Variants in CFAP61 observed in about 807,000 individuals in gnomAD.
CFAP61 encodes the protein cilia- and flagella-associated protein 61.
In CFAP61, 107 loss-of-function variants were observed where a neutral mutation model predicts 135.6. The observed-to-expected ratio is 0.79, with a 90% CI of 0.67 to 0.93. CFAP61 has a LOEUF of 0.93. Ranked by LOEUF, CFAP61 falls within the 40% of genes least tolerant of loss-of-function variation. The pLI, the probability that CFAP61 is intolerant of heterozygous loss-of-function variation, is 0.00. For synonymous variants in CFAP61, 575 were observed against 578.5 expected (o/e 0.99, Z 0.09); for missense variants, 1,507 against 1,556.2 (o/e 0.97, Z 0.53).
At position 20,319,103 on chromosome 20, in the gene CFAP61, G is replaced by A. The variant is rs1186187793; in HGVS notation, c.3422+20717G>A. Among the ~76,000 whole-genome samples the A allele has an allele frequency of 2.0e-5, 3 of 152,192 alleles. No homozygotes were observed. The East Asian group carries it at 5.8e-4, about 29-fold the overall frequency. The stretch of plus-strand genomic sequence containing the variant: ...TGATTCTCTATACAGCCTGTCCTAA[G>A]TTATCCCTCATGGCTGAGTGAGTTC... On this transcript the variant is annotated intron_variant, in intron 25 of 26. Transcript: ENST00000245957.
rs1328431989 is a variant in CFAP61, at chr20:20,056,144, C to T, written c.-36-474C>T. 9.1e-6 allele frequency: 6 copies of T among 659,274 alleles called. No homozygotes were observed. The East Asian group carries it at 1.1e-4, about 12-fold the overall frequency. 40.8% of individuals were successfully genotyped at this position (659,274 alleles called of 1,614,324 possible). A position where few individuals can be genotyped will look rare whatever the true frequency, so the allele number is the denominator to read the frequency against. On this transcript the variant is annotated intron_variant, in intron 1 of 26. Transcript: ENST00000245957. Reference sequence around the variant, plus strand: ...TTCAGGAAGCCTATTGCGAGCATTTCCTACACTTAACCACAGAACTTTTTT... The same window carrying T: ...TTCAGGAAGCCTATTGCGAGCATTTTCTACACTTAACCACAGAACTTTTTT...
In CFAP61 at chr20:20,217,689, C is replaced by T. The variant is rs184656884; in HGVS notation, c.1933-10560C>T. ...TATTCCCTGGGGGAACAGAAGTTCT[C>T]ATCTTATTCTGTGTGCAGAGATTTA... is the stretch of plus-strand genomic sequence containing the variant. On this transcript the variant is annotated intron_variant, in intron 17 of 26. Coordinates refer to ENST00000245957, the MANE Select transcript of CFAP61 (RefSeq NM_015585.4). Among the ~76,000 whole-genome samples the T allele has an allele frequency of 4.6e-5, 7 of 152,330 alleles. No individual in the cohort carries two copies. The East Asian group carries it at 9.6e-4, about 21-fold the overall frequency.
At chr20:20,056,283 C>T (rs894602096) in intron 1 of CFAP61, among the ~76,000 whole-genome samples, 1 of 152,232 alleles carries the variant, frequency 6.6e-6, no homozygotes, top group Non-Finnish European at 1.5e-5. Flanking sequence ...CACCACATGC[C>T]ATCGTGGCCG....
At chr20:20,216,014 G>T (rs566640458) in intron 17 of CFAP61, among the ~76,000 whole-genome samples, 3 of 152,170 alleles carry the variant, frequency 2.0e-5, no homozygotes, top group Non-Finnish European at 4.4e-5. Context: ...GGTAGTACAT[G>T]CATGGCTTAA....
At chr20:20,104,234 G>A (rs1188682872) in intron 8 of CFAP61, among the ~76,000 whole-genome samples, 1 of 151,952 alleles carries the variant, frequency 6.6e-6, no homozygotes. Context: ...GTAAAACATC[G>A]CAATATTGCC....
At chr20:20,171,792 T>A (rs1362595575) in intron 13 of CFAP61, 1 of 709,746 alleles carries the variant, frequency 1.4e-6, no homozygotes, top group Non-Finnish European at 2.6e-6. Flanking sequence ...AACATTTGTC[T>A]GGGAAGGAGT....
intron 17 of CFAP61, among the ~76,000 whole-genome samples, chr20:20,214,798 G>T (rs1323761970): frequency 6.6e-6 from 1 of 152,228 alleles, no homozygotes; most frequent in African/African-American, 2.4e-5. Context: ...GGCCTCCTCA[G>T]TATTCTGCAG....
chr20:20,265,638 G>C (rs1312259842), intron 21 of CFAP61: 3 of 657,366 alleles, frequency 4.6e-6, no homozygotes, highest in African/African-American at 1.8e-5. Flanking sequence ...ATTTTCTCCA[G>C]GTCTGGTGCT....
chr20:20,099,058 T>C (rs1177699872), intron 8 of CFAP61, among the ~76,000 whole-genome samples: 1 of 152,054 alleles, frequency 6.6e-6, no homozygotes, highest in Non-Finnish European at 1.5e-5. Context: ...TTCAGGATGC[T>C]CACTTCTTGA....
intron 18 of CFAP61, among the ~76,000 whole-genome samples, chr20:20,234,241 G>A (rs990353474): frequency 6.6e-6 from 1 of 152,180 alleles, no homozygotes; most frequent in Non-Finnish European, 1.5e-5. Flanking sequence ...GACATCTGAG[G>A]TCAGAGAATG....
intron 1 of CFAP61, 74 bp downstream of exon 1, chr20:20,052,665 A>G (rs989589288): frequency 3.1e-6 from 5 of 1,613,374 alleles, no homozygotes; most frequent in Non-Finnish European, 4.2e-6. Flanking sequence ...TCCCCAGGTC[A>G]GCCTCCGGAA....
At chr20:20,167,561 A>G (rs1342049193) in intron 12 of CFAP61, among the ~76,000 whole-genome samples, 1 of 152,016 alleles carries the variant, frequency 6.6e-6, no homozygotes, top group Non-Finnish European at 1.5e-5. Context: ...GGACGACAGG[A>G]AAAAAAATAA....
At chr20:20,261,388 A>C (rs537179715) in intron 20 of CFAP61, among the ~76,000 whole-genome samples, 1 of 152,290 alleles carries the variant, frequency 6.6e-6, no homozygotes, top group East Asian at 1.9e-4. Context: ...ACTGCAAGTA[A>C]ACTTATTGCC....
intron 12 of CFAP61, among the ~76,000 whole-genome samples, chr20:20,168,066 T>G (rs1252269253): frequency 6.6e-6 from 1 of 152,198 alleles, no homozygotes; most frequent in Non-Finnish European, 1.5e-5. Context: ...TAATATCTTT[T>G]ATTTAACTTA....
At chr20:20,270,314 T>C (rs1206191394) in intron 21 of CFAP61, among the ~76,000 whole-genome samples, 1 of 152,130 alleles carries the variant, frequency 6.6e-6, no homozygotes, top group Non-Finnish European at 1.5e-5. Flanking sequence ...TTCATCTTTA[T>C]AGCATTGAGC....
chr20:20,163,053 T>C (rs947267170), intron 10 of CFAP61, among the ~76,000 whole-genome samples: 4 of 152,158 alleles, frequency 2.6e-5, no homozygotes, highest in African/African-American at 4.8e-5. Flanking sequence ...TGTTCAGAAA[T>C]ATAGAGGTAA....
chr20:20,341,984 G>T, intron 26 of CFAP61, 63 bp downstream of exon 26: 1 of 1,153,686 alleles, frequency 8.7e-7, no homozygotes, highest in Non-Finnish European at 1.3e-6. Flanking sequence ...GATAGCTGTT[G>T]ATCATTTAGA....
intron 3 of CFAP61, among the ~76,000 whole-genome samples, chr20:20,072,259 C>T (rs896755750): frequency 3.3e-5 from 5 of 151,604 alleles, no homozygotes; most frequent in South Asian, 2.1e-4. Flanking sequence ...GGACTATAGG[C>T]GCCTGCCACC....
intron 17 of CFAP61, among the ~76,000 whole-genome samples, chr20:20,207,509 G>A (rs1022861832): frequency 2.0e-5 from 3 of 152,216 alleles, no homozygotes; most frequent in Admixed American, 6.5e-5. Context: ...GCAAGGCTCC[G>A]GGTGGAGCTG....
Sources: allele counts gnomAD v4.1 joint callset (sites outside exome capture counted in the v4.1 genomes callset), GRCh38; gene constraint gnomAD v4.1.1; transcripts MANE v1.5; gene names NCBI Gene and HGNC (gene_info 2026-07-23, HGNC 2026-07-21).